WWOX: variants seen among roughly 807,000 people sequenced by gnomAD.
WWOX encodes WW domain containing oxidoreductase.
In WWOX, 69 loss-of-function variants were observed where a neutral mutation model predicts 46.2. The ratio of observed to expected loss-of-function variants is 1.49; its 90% CI spans 1.23 to 1.82. The LOEUF is 1.82. Ranked by LOEUF, WWOX falls within the 40% of genes most tolerant of loss-of-function variation. The probability of loss-of-function intolerance (pLI) is 0.00; values close to 1 mark genes in which losing one functional copy is unlikely to be tolerated. For missense variants in WWOX, 919 were observed against 542.6 expected (o/e 1.69, Z -6.89); for synonymous variants, 359 against 202.6 (o/e 1.77, Z -6.56).
At chr16:78,228,400 G>A (rs930713351) in intron 5 of WWOX, among the ~76,000 whole-genome samples, 95 of 145,904 alleles carry the variant, frequency 6.5e-4, no homozygotes, top group African/African-American at 2.3e-3. Context: ...GGAATGCAGT[G>A]GTGTGATCTC....
chr16:78,742,000 C>T (rs561300779), intron 8 of WWOX, among the ~76,000 whole-genome samples: 5 of 152,308 alleles, frequency 3.3e-5, no homozygotes, highest in African/African-American at 1.2e-4. Flanking sequence ...TGCCTCCTAT[C>T]CTCTCTTCCC....
At chr16:78,687,163 T>C (rs553148431) in intron 8 of WWOX, among the ~76,000 whole-genome samples, 3 of 152,348 alleles carry the variant, frequency 2.0e-5, no homozygotes, top group African/African-American at 7.2e-5. Flanking sequence ...TAGCAGTGTT[T>C]CATATTTACA....
At position 78,714,718 on chromosome 16, in the gene WWOX, A is replaced by C. The variant is rs190162291; in HGVS notation, c.1056+281966A>C. Among the ~76,000 whole-genome samples the C allele has an allele frequency of 4.3e-3, 650 of 152,248 alleles. 4 individuals carry two copies. The highest frequency in any genetic ancestry group is 0.015 in the African/African-American group (629 of 41,556). Reference sequence around the variant, plus strand: ...GTTTGAGACACTGAAGTCCAATGGAACTTGGGCGGAATAAATGAAGGGAAG... The same window carrying C: ...GTTTGAGACACTGAAGTCCAATGGACCTTGGGCGGAATAAATGAAGGGAAG... On this transcript the variant is annotated intron_variant, in intron 8 of 8. Transcript: ENST00000566780.
intron 8 of WWOX, among the ~76,000 whole-genome samples, chr16:78,540,047 C>G (rs1476617079): frequency 2.0e-5 from 3 of 151,440 alleles, no homozygotes; most frequent in African/African-American, 4.9e-5. Context: ...CACACACACA[C>G]AGCCAAATCA....
chr16:78,729,797 G>T (rs1333504831), intron 8 of WWOX, among the ~76,000 whole-genome samples: 1 of 152,158 alleles, frequency 6.6e-6, no homozygotes, highest in Non-Finnish European at 1.5e-5. Flanking sequence ...TCAGAAACAG[G>T]ATTTGAACCT....
intron 8 of WWOX, chr16:78,780,581 G>A (rs774455667): frequency 1.3e-5 from 2 of 152,220 alleles, no homozygotes; most frequent in Admixed American, 6.5e-5. Context: ...ACTGGTCCTT[G>A]TGGAAGCAAC....
chr16:78,868,485 C>CATT (rs781339888), intron 8 of WWOX, among the ~76,000 whole-genome samples: 1 of 138,056 alleles, frequency 7.2e-6, no homozygotes, highest in African/African-American at 2.7e-5. Flanking sequence ...ATACTAACAT[C>CATT]AAACTGTATA....
At position 79,192,283 on chromosome 16, in the gene WWOX, G is replaced by A. The variant is rs191781639; in HGVS notation, c.1057-19325G>A. 4.6e-5 allele frequency among the ~76,000 whole-genome samples: 7 copies of A among 152,090 alleles called. No individual in the cohort carries two copies. In the East Asian group the frequency reaches 1.4e-3, roughly 29 times the overall value. ...AATGGGGCAGAAAGTGCCCCAAACA[G>A]CTGTTATTTTCGCAGTGATTCATTC... On this transcript the variant is annotated intron_variant, in intron 8 of 8. Coordinates refer to ENST00000566780, the MANE Select transcript of WWOX (RefSeq NM_016373.4).
chr16:78,685,406 G>T (rs1268236735), intron 8 of WWOX, among the ~76,000 whole-genome samples: 4 of 152,270 alleles, frequency 2.6e-5, no homozygotes, highest in East Asian at 1.9e-4. Flanking sequence ...AGCTAAGTCT[G>T]TCTATGGTAG....
chr16:79,042,236 C>T (rs982360734), intron 8 of WWOX, among the ~76,000 whole-genome samples: 2 of 152,190 alleles, frequency 1.3e-5, no homozygotes, highest in Non-Finnish European at 2.9e-5. Context: ...AGCCCACGCT[C>T]TCTTACACCC....
chr16:78,749,795 A>T (rs180845882), intron 8 of WWOX, among the ~76,000 whole-genome samples: 3 of 152,230 alleles, frequency 2.0e-5, no homozygotes, highest in Non-Finnish European at 4.4e-5. Flanking sequence ...TGTACTTCCT[A>T]TATTTAACCA....
At chr16:79,140,480 T>G (rs1016505256) in intron 8 of WWOX, among the ~76,000 whole-genome samples, 2 of 152,218 alleles carry the variant, frequency 1.3e-5, no homozygotes, top group Non-Finnish European at 2.9e-5. Flanking sequence ...AGTCCAGTCC[T>G]TTTGGAGTTC....
At chr16:78,814,765 A>T in intron 8 of WWOX, among the ~76,000 whole-genome samples, 1 of 152,216 alleles carries the variant, frequency 6.6e-6, no homozygotes, top group East Asian at 1.9e-4. Context: ...TGTATAAGAC[A>T]TTACAGCCAA....
chr16:78,265,001 C>CT (rs35911801), intron 5 of WWOX: 97 of 69,412 alleles, frequency 1.4e-3, no homozygotes, highest in African/African-American at 1.6e-3. Context: ...TTCTTTCTTT[C>CT]TTTTTTTTTT....
At chr16:78,123,772 A>G (rs955434472) in intron 4 of WWOX, 2 of 151,430 alleles carry the variant, frequency 1.3e-5, no homozygotes, top group Non-Finnish European at 2.9e-5. Flanking sequence ...GTTTTTTTCT[A>G]AGAATATAGT....
At chr16:78,767,293 T>A (rs1049801489) in intron 8 of WWOX, among the ~76,000 whole-genome samples, 5 of 151,872 alleles carry the variant, frequency 3.3e-5, no homozygotes, top group African/African-American at 9.7e-5. Context: ...TAAATTTATT[T>A]TTATTATTAT....
chr16:78,519,869 A>G (rs1054970131), intron 8 of WWOX, among the ~76,000 whole-genome samples: 1 of 152,214 alleles, frequency 6.6e-6, no homozygotes, highest in Non-Finnish European at 1.5e-5. Context: ...TGTTACTCAT[A>G]AGCCACCTAA....
intron 8 of WWOX, chr16:79,089,911 T>G (rs1597365414): frequency 1.5e-5 from 2 of 136,950 alleles, no homozygotes; most frequent in Non-Finnish European, 1.6e-5. Context: ...AGAAAAAGAG[T>G]GAAAAACCCA....
Position 78,702,120 on chromosome 16 carries a change from A to ATT in WWOX, c.1056+269369_1056+269370insTT, listed in dbSNP as rs1555519623. 2.9e-3 allele frequency among the ~76,000 whole-genome samples: 372 copies of ATT among 130,014 alleles called. 10 individuals are homozygous for ATT. The highest frequency in any genetic ancestry group is 0.012 in the African/African-American group (355 of 30,264). 85.3% of individuals were successfully genotyped at this position (130,014 alleles called of 152,430 possible). On this transcript the variant is annotated intron_variant, in intron 8 of 8. Coordinates refer to ENST00000566780, the MANE Select transcript of WWOX (RefSeq NM_016373.4). Reference sequence around the variant, plus strand: ...TAAAGTTATATATATATATATATATATATTTATTTATTTTCAAGACATGGT... The same window carrying ATT: ...TAAAGTTATATATATATATATATATATTTATTTATTTATTTTCAAGACATGGT...
Sources: gnomAD v4.1 joint callset for allele counts (sites outside exome capture counted in the v4.1 genomes callset) on GRCh38, gnomAD v4.1.1 for gene constraint, MANE v1.5 for transcripts, NCBI Gene and HGNC (gene_info 2026-07-23, HGNC 2026-07-21) for gene names.